Variants in MKKS observed in about 807,000 individuals in gnomAD.
MKKS encodes the protein MKKS centrosomal shuttling protein.
MKKS carries 29 observed loss-of-function variants against 33.2 expected under a neutral mutation model. The observed-to-expected ratio is 0.87, with a 90% confidence interval of 0.65 to 1.19. The LOEUF (loss-of-function observed/expected upper bound fraction) is 1.19, where lower values mean the gene tolerates loss of function less well. Ranked by LOEUF, MKKS falls within the 50% of genes most tolerant of loss-of-function variation. The pLI is 0.00. For synonymous variants in MKKS, 260 were observed against 244.0 expected (o/e 1.07, Z -0.61); for missense variants, 661 against 662.3 (o/e 1.00, Z 0.02).
At chr20:10,416,626 A>G (rs1485532382) in intron 2 of MKKS, among the ~76,000 whole-genome samples, 2 of 152,250 alleles carry the variant, frequency 1.3e-5, no homozygotes, top group Non-Finnish European at 2.9e-5. Flanking sequence ...GGGATAAAAC[A>G]TTAATCTTGC....
At chr20:10,407,111 T>A (rs2064848827) in intron 5 of MKKS, among the ~76,000 whole-genome samples, 1 of 152,176 alleles carries the variant, frequency 6.6e-6, no homozygotes, top group South Asian at 2.1e-4. Context: ...ATACCAATTT[T>A]AAAATTATAA....
rs559700415 is a variant in MKKS, at chr20:10,434,127, C to T, written c.-668G>A. On this transcript the variant is annotated 5_prime_UTR_variant, in exon 1 of 6. Coordinates refer to ENST00000347364, the MANE Select transcript of MKKS (RefSeq NM_170784.3). The stretch of plus-strand genomic sequence containing the variant: ...TCTCACCTGCGCACCAGCCGTCGCG[C>T]CGCCCCAGGCCGCCACCGCCAGAGG... 6.6e-6 allele frequency: 1 copy of T among 152,200 alleles called. No individual in the cohort carries two copies. The highest frequency in any genetic ancestry group is 1.9e-4 in the East Asian group (1 of 5,138). The allele number at this position is 152,200 out of a possible 1,614,324, so 9.4% of individuals were successfully genotyped here.
chr20:10,432,365 A>C (rs1167582070), intron 1 of MKKS, among the ~76,000 whole-genome samples: 5 of 152,230 alleles, frequency 3.3e-5, no homozygotes, highest in African/African-American at 9.7e-5. Context: ...TCTGATTCTC[A>C]GGAAACCCAA....
At chr20:10,419,632 C>G (rs13433221) in intron 2 of MKKS, among the ~76,000 whole-genome samples, 2 of 152,038 alleles carry the variant, frequency 1.3e-5, no homozygotes. Flanking sequence ...CACAATACTC[C>G]TGTGCTTTGG....
intron 1 of MKKS, among the ~76,000 whole-genome samples, chr20:10,431,119 C>T (rs762085922): frequency 6.6e-6 from 1 of 152,062 alleles, no homozygotes; most frequent in Non-Finnish European, 1.5e-5. Context: ...TACACGGCAG[C>T]CATTACTTTT....
intron 4 of MKKS, among the ~76,000 whole-genome samples, chr20:10,407,971 T>C (rs1461855763): frequency 6.6e-6 from 1 of 152,210 alleles, no homozygotes; most frequent in Non-Finnish European, 1.5e-5. Context: ...TTCTTTCATA[T>C]ACACTTAGCT....
chr20:10,425,762 G>C (rs1481837118), intron 1 of MKKS, among the ~76,000 whole-genome samples: 1 of 152,118 alleles, frequency 6.6e-6, no homozygotes, highest in Non-Finnish European at 1.5e-5. Flanking sequence ...CTCATTTATT[G>C]AACTTTTCAA....
chr20:10,411,537 C>T (rs2064887385), intron 3 of MKKS, among the ~76,000 whole-genome samples: 1 of 152,158 alleles, frequency 6.6e-6, no homozygotes, highest in South Asian at 2.1e-4. Context: ...ACAACGAGTT[C>T]CAAGGAATTA....
chr20:10,413,215 G>A lies in MKKS; in HGVS notation c.300C>T (p.Cys100=), dbSNP rs778910266. 2 of 1,614,204 alleles carry A rather than the reference G, an allele frequency of 1.2e-6. No individual in the cohort carries two copies. The highest frequency in any genetic ancestry group is 1.7e-6 in the Non-Finnish European group (2 of 1,180,014). The change falls in exon 3 of 6, where the codon TGC becomes TGT. Residue 100 remains cysteine (C), a synonymous_variant. Transcript: ENST00000347364. ...DCGLFTAILC[C]NLIENVQRLG... is the part of the protein sequence containing the mutation. ...ATCTCTGAACATTTTCAATCAGGTT[G>A]CAGCAAAGAATAGCTGTGAATAAGC...
At position 10,416,766 on chromosome 20, in the gene MKKS, T is replaced by C. The variant is rs939773672; in HGVS notation, c.-417-2835A>G. On this transcript the variant is annotated intron_variant, in intron 2 of 5. Transcript: ENST00000347364. ...GGCAACCCCTAATGAAATAGTGCAT[T>C]AGACCCATATATGGTGGTTGGTAAA... is the stretch of plus-strand genomic sequence containing the variant. Among the ~76,000 whole-genome samples the C allele has an allele frequency of 2.4e-4, 36 of 152,306 alleles. No homozygotes were observed. In the Middle Eastern group the frequency reaches 0.014, roughly 58 times the overall value.
intron 1 of MKKS, among the ~76,000 whole-genome samples, chr20:10,427,086 A>G (rs1316042801): frequency 1.3e-5 from 2 of 151,154 alleles, no homozygotes; most frequent in African/African-American, 2.4e-5. Flanking sequence ...ACACAAAGTA[A>G]GGTTAAGGGC....
intron 1 of MKKS, among the ~76,000 whole-genome samples, chr20:10,428,054 T>C (rs957905285): frequency 3.3e-5 from 5 of 152,364 alleles, no homozygotes; most frequent in African/African-American, 4.8e-5. Flanking sequence ...ATAAAAAATA[T>C]ACTGAAAGCA....
intron 5 of MKKS, among the ~76,000 whole-genome samples, chr20:10,406,918 C>T (rs139314979): frequency 5.7e-4 from 87 of 152,218 alleles, no homozygotes; most frequent in African/African-American, 1.8e-3. Flanking sequence ...CCCAATGAAT[C>T]GATTGCTAAT....
At position 10,404,520 on chromosome 20, in the gene MKKS, C is replaced by T. The variant is rs1490383621; in HGVS notation, c.*727G>A. 6.6e-6 allele frequency: 1 copy of T among 151,912 alleles called. No homozygotes were observed. Among genetic ancestry groups the T allele is most frequent in the Non-Finnish European group, 1.5e-5 (1 of 68,046 alleles). 9.4% of individuals were successfully genotyped at this position (151,912 alleles called of 1,614,324 possible). A position where few individuals can be genotyped will look rare whatever the true frequency, so the allele number is the denominator to read the frequency against. ...ATGGGGCTCAGAATGTCAATAATGC[C>T]AAAGTTGAGAAACCCCAGTGTAAAA... On this transcript the variant is annotated 3_prime_UTR_variant, in exon 6 of 6. Coordinates refer to ENST00000347364, the MANE Select transcript of MKKS (RefSeq NM_170784.3).
At chr20:10,414,215 T>C (rs902521140) in intron 2 of MKKS, among the ~76,000 whole-genome samples, 1 of 151,954 alleles carries the variant, frequency 6.6e-6, no homozygotes, top group African/African-American at 2.4e-5. Flanking sequence ...TATGGCATGC[T>C]TCTAGGAGAG....
intron 1 of MKKS, among the ~76,000 whole-genome samples, chr20:10,424,269 A>G (rs1375486090): frequency 6.6e-6 from 1 of 151,904 alleles, no homozygotes; most frequent in Non-Finnish European, 1.5e-5. Context: ...AAAAGGAAAA[A>G]AAAAGGCCAG....
At position 10,404,940 on chromosome 20, in the gene MKKS, T is replaced by G. The variant is rs2064830337; in HGVS notation, c.*307A>C. ...CTAGAGCATGGATTAGGAGTCTTTT[T>G]TATTTGTTTGCTCTCAAAATGATGC... is the stretch of plus-strand genomic sequence containing the variant. On this transcript the variant is annotated 3_prime_UTR_variant, in exon 6 of 6. Transcript: ENST00000347364. The G allele has an allele frequency of 4.8e-6, 1 of 209,144 alleles. No homozygotes were observed. Among genetic ancestry groups the G allele is most frequent in the African/African-American group, 2.3e-5 (1 of 42,688 alleles). The allele number at this position is 209,144 out of a possible 1,614,324, so 13.0% of individuals were successfully genotyped here. A position where few individuals can be genotyped will look rare whatever the true frequency, so the allele number is the denominator to read the frequency against.
At chr20:10,428,997 T>C (rs1410553200) in intron 1 of MKKS, among the ~76,000 whole-genome samples, 4 of 152,186 alleles carry the variant, frequency 2.6e-5, no homozygotes, top group Non-Finnish European at 5.9e-5. Context: ...CTTAAGGGCC[T>C]TTCTCTTTTG....
rs375066177 is a variant in MKKS at position 10,412,578 on chromosome 20, T to G, written c.937A>C (p.Ile313Leu). 6.2e-7 allele frequency: 1 copy of G among 1,614,136 alleles called. No individual in the cohort carries two copies. Among genetic ancestry groups the G allele is most frequent in the East Asian group, 2.2e-5 (1 of 44,880 alleles). ...ATCAGAGTCACTCCAATTCTGTCTA[T>G]GGCAATAATACGATGCATATTGAGA... ...QFLNMHRIIA[I>L]DRIGVTLMEP... Residue 313 changes from isoleucine to leucine, a missense_variant, in exon 3 of 6, where the codon ATA (isoleucine) becomes CTA (leucine). By Grantham distance (5) the Ile-to-Leu change is conservative. Transcript: ENST00000347364.
Sources: gnomAD v4.1 joint callset for allele counts (sites outside exome capture counted in the v4.1 genomes callset) on GRCh38, gnomAD v4.1.1 for gene constraint, MANE v1.5 for transcripts, NCBI Gene and HGNC (gene_info 2026-07-23, HGNC 2026-07-21) for gene names.